The following THRB variants were observed in gnomAD, a reference collection of about 807,000 sequenced individuals.
The protein encoded by THRB is thyroid hormone receptor beta.
THRB carries 12 observed loss-of-function variants against 47.8 expected under a neutral mutation model. The ratio of observed to expected loss-of-function variants is 0.25; its 90% CI spans 0.16 to 0.41. The LOEUF is 0.41. Among genes scored for constraint, THRB ranks in the 10% least tolerant of loss-of-function variants. The probability of loss-of-function intolerance (pLI) is 1.00; values close to 1 mark genes in which losing one functional copy is unlikely to be tolerated. For missense variants in THRB, 348 were observed against 589.2 expected (o/e 0.59, Z 4.24); for synonymous variants, 218 against 212.2 (o/e 1.03, Z -0.24).
At chr3:24,437,149 TGAAATGTATATATATAAC>T in intron 1 of THRB, among the ~76,000 whole-genome samples, 1 of 148,354 alleles carries the variant, frequency 6.7e-6, no homozygotes, top group Non-Finnish European at 1.5e-5. Context: ...TTATATATAA[TGAAATGTATATATATAAC>T]GAAATGTATA....
chr3:24,178,718 A>T (rs189167893), intron 5 of THRB, among the ~76,000 whole-genome samples: 17 of 152,306 alleles, frequency 1.1e-4, no homozygotes, highest in African/African-American at 3.9e-4. Flanking sequence ...GAATGGAAAA[A>T]GCTGAAATCG....
intron 1 of THRB, among the ~76,000 whole-genome samples, chr3:24,438,019 A>G (rs2071144487): frequency 6.6e-6 from 1 of 151,842 alleles, no homozygotes; most frequent in Admixed American, 6.6e-5. Flanking sequence ...ATACTTTCCT[A>G]ATATGCCTTC....
In THRB at chr3:24,302,500, C is replaced by T. The variant is rs116127457; in HGVS notation, c.-188-5129G>A. Among the ~76,000 whole-genome samples the T allele has an allele frequency of 6.0e-3, 918 of 152,230 alleles. 6 individuals are homozygous for T. Among genetic ancestry groups the T allele is most frequent in the African/African-American group, 0.021 (860 of 41,520 alleles). On this transcript the variant is annotated intron_variant, in intron 2 of 10. Coordinates refer to ENST00000646209, the MANE Select transcript of THRB (RefSeq NM_001354712.2). ...GTAAATAAAGTATACCACATACAAC[C>T]GTGTCTCAAGGCCTTTGAACTTGCT... is the stretch of plus-strand genomic sequence containing the variant.
intron 2 of THRB, among the ~76,000 whole-genome samples, chr3:24,318,118 A>T (rs1047335579): frequency 3.3e-5 from 5 of 152,214 alleles, no homozygotes; most frequent in African/African-American, 9.6e-5. Context: ...TCAAAAAGTG[A>T]GTAGAAGCGA....
At chr3:24,203,878 G>T (rs1266030111) in intron 4 of THRB, among the ~76,000 whole-genome samples, 1 of 152,232 alleles carries the variant, frequency 6.6e-6, no homozygotes, top group East Asian at 1.9e-4. Context: ...CTGGCTTGGA[G>T]GGTCCCACGC....
chr3:24,205,168 C>A (rs972870574), intron 4 of THRB, among the ~76,000 whole-genome samples: 8 of 152,134 alleles, frequency 5.3e-5, no homozygotes, highest in Admixed American at 2.6e-4. Flanking sequence ...CAAAGATACT[C>A]CTTGAGAAGA....
chr3:24,381,849 A>C (rs13070456), intron 1 of THRB, among the ~76,000 whole-genome samples: 20,381 of 152,128 alleles, frequency 0.13, 1,784 homozygotes, highest in Non-Finnish European at 0.2. Context: ...AAGCTATAAA[A>C]GTCAAGTATG....
intron 5 of THRB, among the ~76,000 whole-genome samples, chr3:24,182,488 C>T (rs868330676): frequency 6.6e-6 from 1 of 152,242 alleles, no homozygotes. Context: ...TGCCTGCGTC[C>T]GTAATATTCC....
At chr3:24,474,867 A>G (rs1345757487) in intron 1 of THRB, among the ~76,000 whole-genome samples, 1 of 152,220 alleles carries the variant, frequency 6.6e-6, no homozygotes, top group Non-Finnish European at 1.5e-5. Flanking sequence ...CTGCTGCAAT[A>G]CTTGCTTTTC....
intron 5 of THRB, chr3:24,165,120 T>G: frequency 1.3e-6 from 1 of 765,152 alleles, no homozygotes; most frequent in East Asian, 2.4e-5. Flanking sequence ...TTCAGGGCCA[T>G]GTCCAAGTCA....
intron 2 of THRB, among the ~76,000 whole-genome samples, chr3:24,299,645 CT>C (rs72274327): frequency 3.3e-5 from 5 of 150,386 alleles, no homozygotes; most frequent in East Asian, 2.0e-4. Flanking sequence ...TAAAAACTTT[CT>C]TTTTTTTTCC....
At chr3:24,302,876 GT>G (rs2057049769) in intron 2 of THRB, among the ~76,000 whole-genome samples, 1 of 152,170 alleles carries the variant, frequency 6.6e-6, no homozygotes, top group Admixed American at 6.5e-5. Flanking sequence ...TTCAGTGAGT[GT>G]TTAATAAATA....
chr3:24,127,481 G>C lies in THRB; in HGVS notation c.1144+18C>G. The C allele has an allele frequency of 1.2e-6, 2 of 1,614,018 alleles. No individual in the cohort carries two copies. The highest frequency in any genetic ancestry group is 2.2e-5 in the South Asian group (2 of 91,080). On this transcript the variant is annotated intron_variant, in intron 10 of 10. Transcript: ENST00000646209. ...AAAAGCTCTTTGGATGCCCACTAACGAGTCTAGGCGTACTCACCTGAAGAC... is the reference window on the plus strand; with the variant it reads ...AAAAGCTCTTTGGATGCCCACTAACCAGTCTAGGCGTACTCACCTGAAGAC...
rs569601178 is a variant in THRB at position 24,190,021 on chromosome 3, TA to T, written c.283+52del. The T allele has an allele frequency of 1.3e-4, 206 of 1,548,888 alleles. 1 individual carries two copies. The South Asian group carries it at 2.0e-3, about 15-fold the overall frequency. Reference sequence around the variant, plus strand: ...ATGAAGTACACAGCTACAACAGGGATATTTTTTTTCTTGTTGAAACACATGA... The same window carrying T: ...ATGAAGTACACAGCTACAACAGGGATTTTTTTTTCTTGTTGAAACACATGA... On this transcript the variant is annotated intron_variant, in intron 5 of 10. Coordinates refer to ENST00000646209, the MANE Select transcript of THRB (RefSeq NM_001354712.2).
At chr3:24,284,488 A>T (rs557381926) in intron 3 of THRB, among the ~76,000 whole-genome samples, 30 of 151,908 alleles carry the variant, frequency 2.0e-4, no homozygotes, top group Non-Finnish European at 3.4e-4. Flanking sequence ...CTAGAAGAAA[A>T]CCTAGGCATT....
chr3:24,126,050 G>A (rs2148817453), intron 10 of THRB, among the ~76,000 whole-genome samples: 1 of 152,126 alleles, frequency 6.6e-6, no homozygotes, highest in South Asian at 2.1e-4. Flanking sequence ...TTAAAAGTCT[G>A]CCATATCTAA....
chr3:24,282,747 G>A (rs2054759220), intron 3 of THRB, among the ~76,000 whole-genome samples: 1 of 149,280 alleles, frequency 6.7e-6, no homozygotes, highest in Admixed American at 6.6e-5. Context: ...AAATGATAAA[G>A]AGGATATCAC....
intron 4 of THRB, among the ~76,000 whole-genome samples, chr3:24,209,107 G>C (rs1189792323): frequency 1.3e-5 from 2 of 152,196 alleles, no homozygotes; most frequent in African/African-American, 4.8e-5. Flanking sequence ...CTGGCCATCA[G>C]AGAAATGCAA....
At chr3:24,228,567 G>A in intron 4 of THRB, among the ~76,000 whole-genome samples, 1 of 151,214 alleles carries the variant, frequency 6.6e-6, no homozygotes, top group East Asian at 1.9e-4. Context: ...TGGGAGGTTG[G>A]GGCTGCAGTA....
Sources: gnomAD v4.1 joint callset for allele counts (sites outside exome capture counted in the v4.1 genomes callset) on GRCh38, gnomAD v4.1.1 for gene constraint, MANE v1.5 for transcripts, NCBI Gene and HGNC (gene_info 2026-07-23, HGNC 2026-07-21) for gene names.